SYTL3: variants seen among roughly 807,000 people sequenced by gnomAD.
The protein encoded by SYTL3 is synaptotagmin-like protein 3.
A neutral mutation model predicts 82.1 loss-of-function variants in SYTL3; 88 were observed. That is an observed-to-expected ratio of 1.07 (90% CI 0.90 to 1.28). SYTL3 has a LOEUF of 1.28. Ranked by LOEUF, SYTL3 falls within the 50% of genes most tolerant of loss-of-function variation. SYTL3 has a pLI of 0.00. For synonymous variants in SYTL3, 311 were observed against 289.4 expected (o/e 1.07, Z -0.76); for missense variants, 831 against 757.6 (o/e 1.10, Z -1.14).
intron 1 of SYTL3, among the ~76,000 whole-genome samples, chr6:158,651,007 G>C (rs1325355589): frequency 3.9e-5 from 6 of 152,120 alleles, no homozygotes; most frequent in Non-Finnish European, 7.4e-5. Flanking sequence ...AGCCAAGATA[G>C]TTGGAGATTC....
chr6:158,733,471 T>C lies in SYTL3; in HGVS notation c.855+7834T>C, dbSNP rs142973971. On this transcript the variant is annotated intron_variant, in intron 11 of 17. Coordinates refer to ENST00000611299, the MANE Select transcript of SYTL3 (RefSeq NM_001242394.2). ...CCTCCCTAGTAACTGGAACCACAGG[T>C]GCCCGCCACCACGCCCGGCTAATTT... 9.1e-3 allele frequency among the ~76,000 whole-genome samples: 1,379 copies of C among 152,024 alleles called. 15 individuals carry two copies. Among genetic ancestry groups the C allele is most frequent in the African/African-American group, 0.031 (1,270 of 41,494 alleles).
At chr6:158,709,273 T>G (rs1782488450) in intron 8 of SYTL3, among the ~76,000 whole-genome samples, 1 of 152,104 alleles carries the variant, frequency 6.6e-6, no homozygotes, top group Non-Finnish European at 1.5e-5. Flanking sequence ...CTACCAAACA[T>G]CATAGCATAG....
At chr6:158,712,747 TTTTC>T (rs869202859) in intron 8 of SYTL3, among the ~76,000 whole-genome samples, 19 of 146,586 alleles carry the variant, frequency 1.3e-4, no homozygotes, top group South Asian at 2.1e-4. Flanking sequence ...ATTCTTTTTC[TTTTC>T]TTTCTTTCTT....
At chr6:158,760,603 G>A (rs760252178) in intron 14 of SYTL3, 37 bp from the exon 15 acceptor site, 5 of 1,577,692 alleles carry the variant, frequency 3.2e-6, no homozygotes, top group South Asian at 1.1e-5. Context: ...TTGGGACTTG[G>A]GGAATCCTGT....
rs368708855 is a variant in SYTL3 at position 158,757,163 on chromosome 6, G to C, written c.1138-48G>C. On this transcript the variant is annotated intron_variant, in intron 13 of 17. Transcript: ENST00000611299. ...GGGTCCAGAGATGGGGATCCTAGGA[G>C]TGCGGGCCCCGGGAGCCCAGCTGAC... The C allele has an allele frequency of 1.9e-6, 3 of 1,567,394 alleles. No homozygotes were observed. The Admixed American group carries it at 5.4e-5, about 28-fold the overall frequency.
At position 158,760,634 on chromosome 6, in the gene SYTL3, C is replaced by G. The variant is rs758547336; in HGVS notation, c.1309-6C>G. The G allele has an allele frequency of 6.2e-7, 1 of 1,612,584 alleles. No homozygotes were observed. Among genetic ancestry groups the G allele is most frequent in the Non-Finnish European group, 8.5e-7 (1 of 1,178,724 alleles). ...CCTGTCCCTAAGCTCTGCCTCTTGT[C>G]CCCAGGCGGAGAAATACGAAGACAG... is the stretch of plus-strand genomic sequence containing the variant. On this transcript the variant is annotated splice_region_variant and splice_polypyrimidine_tract_variant and intron_variant, in intron 14 of 17. Transcript: ENST00000611299.
intron 6 of SYTL3, among the ~76,000 whole-genome samples, chr6:158,701,750 C>T (rs1781332257): frequency 6.6e-6 from 1 of 151,866 alleles, no homozygotes; most frequent in African/African-American, 2.4e-5. Context: ...GGGGATCCTC[C>T]AACAACAGAA....
intron 12 of SYTL3, among the ~76,000 whole-genome samples, chr6:158,747,772 C>T (rs1787861962): frequency 6.6e-6 from 1 of 152,144 alleles, no homozygotes; most frequent in Non-Finnish European, 1.5e-5. Flanking sequence ...CAGCCATGAG[C>T]CACTGCACCT....
chr6:158,735,216 A>C (rs1785990441), intron 11 of SYTL3, among the ~76,000 whole-genome samples: 1 of 152,102 alleles, frequency 6.6e-6, no homozygotes, highest in Non-Finnish European at 1.5e-5. Context: ...CTGCTTAGGG[A>C]CTTTTTGTTG....
At position 158,663,026 on chromosome 6, in the gene SYTL3, G is replaced by T. The variant is rs945488718; in HGVS notation, c.-243G>T. The T allele has an allele frequency of 1.5e-5, 6 of 398,658 alleles. No individual in the cohort carries two copies. Among genetic ancestry groups the T allele is most frequent in the African/African-American group, 1.2e-4 (6 of 48,770 alleles). The allele number at this position is 398,658 out of a possible 1,614,324, so 24.7% of individuals were successfully genotyped here. A position where few individuals can be genotyped will look rare whatever the true frequency, so the allele number is the denominator to read the frequency against. On this transcript the variant is annotated 5_prime_UTR_variant, in exon 4 of 18. Transcript: ENST00000611299. ...GGTGAAAACACCCCCCGGGTAGCAC[G>T]AGGCTCTGCGAGCCGTAACTCCGAC...
At chr6:158,722,762 GTTTTT>G (rs34189391) in intron 10 of SYTL3, among the ~76,000 whole-genome samples, 12 of 80,896 alleles carry the variant, frequency 1.5e-4, no homozygotes, top group African/African-American at 6.5e-4. Context: ...TCTCTTTTCT[GTTTTT>G]TTTTTTTTTT....
At chr6:158,724,147 C>T (rs1417089468) in intron 10 of SYTL3, among the ~76,000 whole-genome samples, 2 of 152,200 alleles carry the variant, frequency 1.3e-5, no homozygotes, top group African/African-American at 4.8e-5. Context: ...TCTCTGTCTT[C>T]CTACTAGCTA....
intron 11 of SYTL3, among the ~76,000 whole-genome samples, chr6:158,742,427 A>G (rs968899058): frequency 1.3e-5 from 2 of 152,196 alleles, no homozygotes. Context: ...AGACAGGTCC[A>G]TTTCCAGATG....
intron 11 of SYTL3, among the ~76,000 whole-genome samples, chr6:158,732,418 A>T (rs1408081235): frequency 1.3e-5 from 2 of 152,262 alleles, no homozygotes; most frequent in African/African-American, 4.8e-5. Flanking sequence ...CGCACTCTAA[A>T]TAAAAGCGAC....
intron 7 of SYTL3, among the ~76,000 whole-genome samples, chr6:158,708,052 G>C (rs1003491721): frequency 3.3e-5 from 5 of 152,174 alleles, no homozygotes; most frequent in Admixed American, 1.3e-4. Flanking sequence ...CCAGGCCGGA[G>C]CACCCAGGCT....
intron 11 of SYTL3, among the ~76,000 whole-genome samples, chr6:158,737,172 G>C (rs887529313): frequency 2.0e-5 from 3 of 151,996 alleles, no homozygotes; most frequent in Admixed American, 6.6e-5. Flanking sequence ...GTCTTTTTCC[G>C]TGTGTTAACT....
chr6:158,682,127 C>G (rs944265201), intron 5 of SYTL3, among the ~76,000 whole-genome samples: 4 of 151,430 alleles, frequency 2.6e-5, no homozygotes, highest in African/African-American at 9.7e-5. Context: ...TTAGTAGAGA[C>G]AGGGTTTTGC....
At chr6:158,741,646 C>G (rs917496600) in intron 11 of SYTL3, among the ~76,000 whole-genome samples, 1 of 152,194 alleles carries the variant, frequency 6.6e-6, no homozygotes, top group African/African-American at 2.4e-5. Context: ...AGTCCAACCA[C>G]TAAGCTGGTC....
chr6:158,740,259 G>A (rs1197179198), intron 11 of SYTL3, among the ~76,000 whole-genome samples: 1 of 152,028 alleles, frequency 6.6e-6, no homozygotes, highest in African/African-American at 2.4e-5. Flanking sequence ...GTCTCCCAAA[G>A]TGTTGGGATT....
Sources: gnomAD v4.1 joint callset for allele counts (sites outside exome capture counted in the v4.1 genomes callset) on GRCh38, gnomAD v4.1.1 for gene constraint, MANE v1.5 for transcripts, NCBI Gene and HGNC (gene_info 2026-07-23, HGNC 2026-07-21) for gene names.